The following STK3 variants were observed in gnomAD, a reference collection of about 807,000 sequenced individuals.
STK3 encodes the protein serine/threonine kinase 3, also known as serine/threonine-protein kinase 3.
A neutral mutation model predicts 58.0 loss-of-function variants in STK3; 41 were observed. That is an observed-to-expected ratio of 0.71 (90% CI 0.55 to 0.92). The LOEUF (loss-of-function observed/expected upper bound fraction) is 0.92, where lower values mean the gene tolerates loss of function less well. STK3 is among the 40% of genes least tolerant of loss of function. STK3 has a pLI of 0.00. For synonymous variants in STK3, 170 were observed against 191.0 expected, an observed-to-expected ratio of 0.89 and a Z score of 0.91; for missense variants, 479 against 602.7, an observed-to-expected ratio of 0.79 and a Z score of 2.15.
intron 3 of STK3, among the ~76,000 whole-genome samples, chr8:98,872,263 T>A (rs1036077233): frequency 7.2e-5 from 11 of 152,182 alleles, no homozygotes; most frequent in African/African-American, 2.7e-4. Context: ...TATTGAGGAT[T>A]TTTGCATTGA....
chr8:98,375,130 C>T (rs62532725), intron 2 of STK3, among the ~76,000 whole-genome samples: 2,837 of 151,940 alleles, frequency 0.019, 35 homozygotes, highest in Non-Finnish European at 0.027. Flanking sequence ...TGGCTCATGC[C>T]TGTAGTCCCT....
chr8:98,713,533 T>C (rs1826721583), intron 4 of STK3, among the ~76,000 whole-genome samples: 2 of 151,970 alleles, frequency 1.3e-5, no homozygotes, highest in African/African-American at 4.8e-5. Flanking sequence ...CTAGAAGAAA[T>C]GGATAAATTC....
chr8:98,428,618 A>G lies in STK3; in HGVS notation n.483+5509T>C. ...GCCTCAATAGCCTGCCCGATTTCCA[A>G]ATCCCTGACAGCCAGGGCAACCCTG... On this transcript the variant is annotated intron_variant and non_coding_transcript_variant, in intron 3 of 3. Coordinates refer to the STK3 transcript ENST00000517832. This position sits in a 1 kb window ranked among gnomAD's most constrained non-coding sequence, Gnocchi z 6.7. The G allele has an allele frequency of 6.2e-7, 1 of 1,614,050 alleles. No homozygotes were observed. The highest frequency in any genetic ancestry group is 1.7e-5 in the Admixed American group (1 of 60,010).
At chr8:98,419,349 A>G (rs952534685) in intron 3 of STK3, among the ~76,000 whole-genome samples, 1 of 151,974 alleles carries the variant, frequency 6.6e-6, no homozygotes, top group East Asian at 1.9e-4. Context: ...CAACAGAGCG[A>G]GACTCCATCT....
At chr8:98,644,502 A>G (rs1006179210) in intron 6 of STK3, among the ~76,000 whole-genome samples, 21 of 152,180 alleles carry the variant, frequency 1.4e-4, no homozygotes, top group African/African-American at 5.1e-4. Context: ...TATGTTGTTT[A>G]CAGTCTGTGA....
At chr8:98,827,991 T>TC (rs1299958130), upstream of STK3, among the ~76,000 whole-genome samples, 3 of 152,036 alleles carry the variant, frequency 2.0e-5, no homozygotes, top group East Asian at 5.8e-4. Context: ...CCCAGCTTTT[T>TC]TTTTTTTTCT....
At chr8:98,376,082 G>A (rs1287352062) in intron 2 of STK3, among the ~76,000 whole-genome samples, 1 of 152,144 alleles carries the variant, frequency 6.6e-6, no homozygotes, top group East Asian at 1.9e-4. Flanking sequence ...GTCAGCACTT[G>A]GTGCTATCAG....
chr8:98,584,699 GT>G (rs1814319849), intron 7 of STK3, among the ~76,000 whole-genome samples: 2 of 150,528 alleles, frequency 1.3e-5, no homozygotes, highest in Non-Finnish European at 3.0e-5. Context: ...GGTTGAACTA[GT>G]TCACAGTCCC....
At chr8:98,547,619 T>C (rs1810809114) in intron 9 of STK3, among the ~76,000 whole-genome samples, 1 of 152,210 alleles carries the variant, frequency 6.6e-6, no homozygotes, top group Non-Finnish European at 1.5e-5. Context: ...AATAATAGTC[T>C]GTTGAATTTA....
chr8:98,780,080 T>G lies in STK3; in HGVS notation c.27-5261A>C, dbSNP rs908712585. Among the ~76,000 whole-genome samples the G allele has an allele frequency of 2.0e-5, 3 of 151,830 alleles. No individual in the cohort carries two copies. In the South Asian group the frequency reaches 6.2e-4, roughly 31 times the overall value. On this transcript the variant is annotated intron_variant, in intron 1 of 10. Coordinates refer to ENST00000419617, the MANE Select transcript of STK3 (RefSeq NM_006281.4). Reference sequence around the variant, plus strand: ...TAATCATGTAATAATATAATTTTAATAATGTAGTATAACATAAGATCACTA... The same window carrying G: ...TAATCATGTAATAATATAATTTTAAGAATGTAGTATAACATAAGATCACTA...
intron 10 of STK3, among the ~76,000 whole-genome samples, chr8:98,458,142 CACACACATGTATTTA>C (rs893679924): frequency 3.2e-4 from 49 of 152,134 alleles, no homozygotes; most frequent in Admixed American, 1.8e-3. Flanking sequence ...CACATGTGCA[CACACACATGTATTTA>C]CATATGCTCT....
intron 3 of STK3, among the ~76,000 whole-genome samples, chr8:98,417,593 A>G (rs1037594139): frequency 1.3e-5 from 2 of 152,280 alleles, no homozygotes; most frequent in East Asian, 1.9e-4. Context: ...TGGCTCTATC[A>G]TTGGTGAGTT....
chr8:98,818,022 C>G (rs1834662421), intron 1 of STK3, among the ~76,000 whole-genome samples: 1 of 152,184 alleles, frequency 6.6e-6, no homozygotes, highest in African/African-American at 2.4e-5. Context: ...CCAATCCAGG[C>G]ACACTGGTGT....
intron 10 of STK3, among the ~76,000 whole-genome samples, chr8:98,512,032 A>C (rs1311525413): frequency 1.3e-5 from 2 of 152,120 alleles, no homozygotes. Context: ...CAGGTTTGTT[A>C]CATATGTATA....
At chr8:98,762,748 T>C (rs912637610) in intron 3 of STK3, among the ~76,000 whole-genome samples, 2 of 152,356 alleles carry the variant, frequency 1.3e-5, no homozygotes, top group Middle Eastern at 6.8e-3. Flanking sequence ...GTAGGGACTA[T>C]GTCAGTTGTG....
At chr8:98,435,843 C>G (rs899675801) in intron 2 of STK3, among the ~76,000 whole-genome samples, 3 of 152,088 alleles carry the variant, frequency 2.0e-5, no homozygotes, top group African/African-American at 7.2e-5. Context: ...GAGAAGGGGC[C>G]CTTGGGGATG....
chr8:98,622,389 A>T (rs996890458), intron 6 of STK3, among the ~76,000 whole-genome samples: 1 of 152,218 alleles, frequency 6.6e-6, no homozygotes, highest in African/African-American at 2.4e-5. Context: ...AAGGATGTAT[A>T]TTACATTGCC....
rs72668448 is a variant in STK3, at chr8:98,922,991, G to A, written c.-79+19387C>T. ...GTTAAAATTGGTTCCGCTGAGGATT[G>A]TCAAACTCTGGCTGTTTGCTGACCT... is the stretch of plus-strand genomic sequence containing the variant. On this transcript the variant is annotated intron_variant, in intron 1 of 1. Transcript: ENST00000519420. Among the ~76,000 whole-genome samples the A allele has an allele frequency of 7.4e-3, 1,129 of 152,242 alleles. 8 individuals carry two copies. The highest frequency in any genetic ancestry group is 0.012 in the Non-Finnish European group (825 of 68,024).
downstream of STK3, among the ~76,000 whole-genome samples, chr8:98,398,204 G>C (rs910154715): frequency 6.6e-6 from 1 of 152,128 alleles, no homozygotes; most frequent in African/African-American, 2.4e-5. Flanking sequence ...GGGTGGATGG[G>C]GAATCTTTGT....
Sources: gnomAD v4.1 joint callset for allele counts (sites outside exome capture counted in the v4.1 genomes callset) on GRCh38, gnomAD v4.1.1 for gene constraint, Gnocchi (gnomAD v3.1) non-coding constraint, MANE v1.5 for transcripts, NCBI Gene and HGNC (gene_info 2026-07-23, HGNC 2026-07-21) for gene names.